COL13A1: variants seen among roughly 807,000 people sequenced by gnomAD.
COL13A1 encodes the protein collagen type XIII alpha 1 chain, also known as collagen alpha-1(XIII) chain.
A neutral mutation model predicts 130.9 loss-of-function variants in COL13A1; 89 were observed. That is an observed-to-expected ratio of 0.68 (90% CI 0.57 to 0.81). The LOEUF (loss-of-function observed/expected upper bound fraction) is 0.81, where lower values mean the gene tolerates loss of function less well. Among genes scored for constraint, COL13A1 ranks in the 30% least tolerant of loss-of-function variants. The pLI, the probability that COL13A1 is intolerant of heterozygous loss-of-function variation, is 0.00. For missense variants in COL13A1, 879 were observed against 934.6 expected (o/e 0.94, Z 0.78); for synonymous variants, 402 against 341.6 (o/e 1.18, Z -1.95).
intron 1 of COL13A1, among the ~76,000 whole-genome samples, chr10:69,820,027 G>C (rs972402867): frequency 6.6e-6 from 1 of 151,994 alleles, no homozygotes; most frequent in Non-Finnish European, 1.5e-5. Flanking sequence ...TCCAAATACC[G>C]CATGACTCAT....
chr10:69,940,128 G>T (rs540773952), intron 34 of COL13A1, among the ~76,000 whole-genome samples: 48 of 151,850 alleles, frequency 3.2e-4, no homozygotes, highest in African/African-American at 1.1e-3. Flanking sequence ...GGTTGGAACA[G>T]GAGTGCCACC....
At chr10:69,837,622 A>G (rs1035175552) in intron 2 of COL13A1, among the ~76,000 whole-genome samples, 4 of 152,098 alleles carry the variant, frequency 2.6e-5, no homozygotes, top group African/African-American at 9.7e-5. Context: ...ACCCTGGTAC[A>G]TTTTCCCACT....
At chr10:69,884,202 C>T (rs955597356) in intron 7 of COL13A1, among the ~76,000 whole-genome samples, 10 of 152,176 alleles carry the variant, frequency 6.6e-5, no homozygotes, top group Non-Finnish European at 1.5e-4. Context: ...CTGTCTTGGA[C>T]GGCTGGCAAG....
At chr10:69,946,944 C>T (rs563910066) in intron 37 of COL13A1, among the ~76,000 whole-genome samples, 170 of 152,270 alleles carry the variant, frequency 1.1e-3, no homozygotes, top group Non-Finnish European at 2.0e-3. Context: ...CCCACCACCA[C>T]GGCCAGCTGA....
chr10:69,818,560 C>G (rs553228603), intron 1 of COL13A1, among the ~76,000 whole-genome samples: 1 of 152,332 alleles, frequency 6.6e-6, no homozygotes, highest in East Asian at 1.9e-4. Context: ...TGAGAAGTCC[C>G]TTAATCTGCC....
At chr10:69,844,168 A>T (rs949301824) in intron 2 of COL13A1, among the ~76,000 whole-genome samples, 2 of 152,228 alleles carry the variant, frequency 1.3e-5, no homozygotes, top group Non-Finnish European at 2.9e-5. Flanking sequence ...AGGACATTCC[A>T]AACAAAGGGA....
chr10:69,897,550 G>T lies in COL13A1; in HGVS notation c.685-1147G>T, dbSNP rs2134943722. 6.2e-7 allele frequency: 1 copy of T among 1,613,654 alleles called. No homozygotes were observed. The highest frequency in any genetic ancestry group is 1.1e-5 in the South Asian group (1 of 91,048). ...CCTGAAGGTTTGTAGGTTCTGGAAGGTCTCCGGGCCCCTCTCCACTGAGAG... is the reference window on the plus strand; with the variant it reads ...CCTGAAGGTTTGTAGGTTCTGGAAGTTCTCCGGGCCCCTCTCCACTGAGAG... On this transcript the variant is annotated intron_variant, in intron 13 of 40. Coordinates refer to ENST00000645393, the MANE Select transcript of COL13A1 (RefSeq NM_001368882.1).
intron 17 of COL13A1, among the ~76,000 whole-genome samples, chr10:69,910,633 G>A (rs2063270378): frequency 6.6e-6 from 1 of 152,226 alleles, no homozygotes; most frequent in Non-Finnish European, 1.5e-5. Context: ...CCCAGTCAGG[G>A]CCAGCCCTCC....
intron 30 of COL13A1, among the ~76,000 whole-genome samples, chr10:69,931,797 A>G (rs2066157614): frequency 6.6e-6 from 1 of 152,216 alleles, no homozygotes; most frequent in Non-Finnish European, 1.5e-5. Flanking sequence ...ATCACTGCAA[A>G]CGTAGCGGCC....
chr10:69,871,764 T>C (rs2059095225), intron 3 of COL13A1, among the ~76,000 whole-genome samples: 1 of 152,204 alleles, frequency 6.6e-6, no homozygotes, highest in Non-Finnish European at 1.5e-5. Flanking sequence ...TGGCCAGTCC[T>C]CCTCTCTTCT....
chr10:69,806,877 G>A lies in COL13A1; in HGVS notation c.294+4160G>A, dbSNP rs557356589. On this transcript the variant is annotated intron_variant, in intron 1 of 40. Transcript: ENST00000645393. ...ACAAAAATTAGCCGGGCATGGTGGTGGGTGCCTATAATCCCAGCTACTCGG... is the reference window on the plus strand; with the variant it reads ...ACAAAAATTAGCCGGGCATGGTGGTAGGTGCCTATAATCCCAGCTACTCGG... Among the ~76,000 whole-genome samples the A allele has an allele frequency of 5.9e-5, 9 of 152,270 alleles. No homozygotes were observed. In the East Asian group the frequency reaches 1.2e-3, roughly 20 times the overall value.
At chr10:69,891,381 A>C (rs1216671967) in intron 10 of COL13A1, among the ~76,000 whole-genome samples, 1 of 152,210 alleles carries the variant, frequency 6.6e-6, no homozygotes, top group Non-Finnish European at 1.5e-5. Flanking sequence ...TGCTTTCTGG[A>C]CATGGGAGAA....
chr10:69,897,459 T>G lies in COL13A1; in HGVS notation c.685-1238T>G, dbSNP rs1310257689. On this transcript the variant is annotated intron_variant, in intron 13 of 40. Coordinates refer to ENST00000645393, the MANE Select transcript of COL13A1 (RefSeq NM_001368882.1). Reference sequence around the variant, plus strand: ...TGTCGCCCTGTCTCTGCCACCTCCATCCCCTCCCAAACTAGGAGTGCCTAA... The same window carrying G: ...TGTCGCCCTGTCTCTGCCACCTCCAGCCCCTCCCAAACTAGGAGTGCCTAA... 2.5e-6 allele frequency: 4 copies of G among 1,613,444 alleles called. No individual in the cohort carries two copies. Among genetic ancestry groups the G allele is most frequent in the Non-Finnish European group, 3.4e-6 (4 of 1,179,700 alleles).
At chr10:69,893,187 CA>C (rs1437248975) in intron 10 of COL13A1, among the ~76,000 whole-genome samples, 2 of 152,126 alleles carry the variant, frequency 1.3e-5, no homozygotes, top group African/African-American at 4.8e-5. Context: ...CCTGTCTCTA[CA>C]AAAAAATGCA....
At position 69,958,918 on chromosome 10, in the gene COL13A1, T is replaced by A. The variant is rs2071320594; in HGVS notation, c.*217T>A. 3.4e-6 allele frequency: 2 copies of A among 592,598 alleles called. No individual in the cohort carries two copies. Among genetic ancestry groups the A allele is most frequent in the Non-Finnish European group, 5.7e-6 (2 of 351,092 alleles). 36.7% of individuals were successfully genotyped at this position (592,598 alleles called of 1,614,324 possible). A position where few individuals can be genotyped will look rare whatever the true frequency, so the allele number is the denominator to read the frequency against. ...CCTATGTCTCTAATACATTTTTTGTTTGGTCGTAATGTCTGCATGATATTT... is the reference window on the plus strand; with the variant it reads ...CCTATGTCTCTAATACATTTTTTGTATGGTCGTAATGTCTGCATGATATTT... On this transcript the variant is annotated 3_prime_UTR_variant, in exon 41 of 41. Transcript: ENST00000645393.
At chr10:69,868,227 A>T (rs1442923889) in intron 3 of COL13A1, among the ~76,000 whole-genome samples, 1 of 152,044 alleles carries the variant, frequency 6.6e-6, no homozygotes, top group East Asian at 1.9e-4. Context: ...GCTGGCTGCA[A>T]GCATGGTCTG....
At chr10:69,958,600 T>A (rs2071261078) in intron 40 of COL13A1, 99 bp from the exon 41 acceptor site, 1 of 1,592,528 alleles carries the variant, frequency 6.3e-7, no homozygotes, top group Admixed American at 1.7e-5. Context: ...AGAACTCCCA[T>A]CCAACCCAGG....
At chr10:69,893,504 C>T (rs899583801) in intron 10 of COL13A1, among the ~76,000 whole-genome samples, 3 of 152,230 alleles carry the variant, frequency 2.0e-5, no homozygotes, top group African/African-American at 4.8e-5. Flanking sequence ...GGAGCAGGAA[C>T]AAGGCTCTGG....
At chr10:69,822,670 T>C (rs973233250) in intron 2 of COL13A1, among the ~76,000 whole-genome samples, 18 of 152,212 alleles carry the variant, frequency 1.2e-4, no homozygotes, top group African/African-American at 2.7e-4. Flanking sequence ...ATGGGCCTGA[T>C]ACTCTTTGAA....
Sources: gnomAD v4.1 joint callset for allele counts (sites outside exome capture counted in the v4.1 genomes callset) on GRCh38, gnomAD v4.1.1 for gene constraint, MANE v1.5 for transcripts, NCBI Gene and HGNC (gene_info 2026-07-23, HGNC 2026-07-21) for gene names.